IMPG2: variants seen among roughly 807,000 people sequenced by gnomAD.
The protein encoded by IMPG2 is IPM 200.
IMPG2 carries 91 observed loss-of-function variants against 129.2 expected under a neutral mutation model. The ratio of observed to expected loss-of-function variants is 0.70; its 90% confidence interval spans 0.59 to 0.84. The LOEUF is 0.84. Ranked by LOEUF, IMPG2 falls within the 40% of genes least tolerant of loss-of-function variation. IMPG2 has a pLI of 0.00. For missense variants in IMPG2, 1,430 were observed against 1,461.7 expected, an observed-to-expected ratio of 0.98 and a Z score of 0.35; for synonymous variants, 510 against 517.7, an observed-to-expected ratio of 0.99 and a Z score of 0.20.
intron 3 of IMPG2, among the ~76,000 whole-genome samples, chr3:101,299,552 A>G (rs1166998924): frequency 2.0e-5 from 3 of 152,068 alleles, no homozygotes; most frequent in Admixed American, 6.5e-5. Context: ...ATCCTTGAGG[A>G]TGCTGACCCT....
chr3:101,279,727 T>C (rs1000771451), intron 4 of IMPG2, among the ~76,000 whole-genome samples: 1 of 152,198 alleles, frequency 6.6e-6, no homozygotes, highest in Non-Finnish European at 1.5e-5. Flanking sequence ...TTTACGCTAA[T>C]TCTCTAACTA....
Position 101,256,205 on chromosome 3 carries a change from GAAAGAAAGAAAGA to G in IMPG2, c.1153+1311_1153+1323del, listed in dbSNP as rs1231111452. Among the ~76,000 whole-genome samples, 14 of 146,148 alleles carry G rather than the reference GAAAGAAAGAAAGA, an allele frequency of 9.6e-5. No homozygotes were observed. In the East Asian group the frequency reaches 2.2e-3, roughly 23 times the overall value. The stretch of plus-strand genomic sequence containing the variant: ...AGAAAGAAAGAAAGAAAGAAAGAAA[GAAAGAAAGAAAGA>G]AAAAAATATCTTATTTGGGAAATAA... On this transcript the variant is annotated intron_variant, in intron 10 of 18. Coordinates refer to ENST00000193391, the MANE Select transcript of IMPG2 (RefSeq NM_016247.4).
At chr3:101,241,633 T>C (rs535522358) in intron 14 of IMPG2, among the ~76,000 whole-genome samples, 105 of 152,164 alleles carry the variant, frequency 6.9e-4, no homozygotes, top group African/African-American at 2.4e-3. Context: ...CCAATGGAGA[T>C]AGAGAAAAGA....
intron 15 of IMPG2, among the ~76,000 whole-genome samples, chr3:101,231,403 T>C (rs1462747760): frequency 1.3e-5 from 2 of 152,220 alleles, no homozygotes; most frequent in Non-Finnish European, 2.9e-5. Flanking sequence ...AAGGAAATTA[T>C]TCTACTTAAC....
chr3:101,281,773 G>C (rs1706895466), intron 4 of IMPG2, among the ~76,000 whole-genome samples: 2 of 152,166 alleles, frequency 1.3e-5, no homozygotes, highest in South Asian at 4.1e-4. Context: ...AGAGACAGAA[G>C]AAAGTCAGAG....
rs1388030722 is a variant in IMPG2 at position 101,245,927 on chromosome 3, C to G, written c.1418G>C (p.Ser473Thr). The G allele has an allele frequency of 1.1e-4, 173 of 1,614,058 alleles. No homozygotes were observed. The highest frequency in any genetic ancestry group is 1.5e-4 in the Non-Finnish European group (172 of 1,180,036). Residue 473 changes from serine (S) to threonine (T), a missense_variant, in exon 12 of 19, where the codon AGC (serine) becomes ACC (threonine). Coordinates refer to ENST00000193391, the MANE Select transcript of IMPG2 (RefSeq NM_016247.4). ...AACCTCTAAAACCTCTGGGGAAGAG[C>G]TGAGGCCCATCTTCGAGGGAAAGGC... ...KLAFPSKMGL[S>T]SSPEVLEVSS...
At chr3:101,300,018 C>T (rs572939278) in intron 3 of IMPG2, among the ~76,000 whole-genome samples, 39 of 152,340 alleles carry the variant, frequency 2.6e-4, no homozygotes, top group African/African-American at 9.1e-4. Context: ...TAAATCTACC[C>T]GTCCGCAGAG....
intron 11 of IMPG2, among the ~76,000 whole-genome samples, chr3:101,253,160 C>T (rs1706562552): frequency 6.6e-6 from 1 of 152,080 alleles, no homozygotes; most frequent in South Asian, 2.1e-4. Context: ...TGTTTCTATG[C>T]AAGCGGGAAT....
At chr3:101,264,546 C>A (rs113353042) in intron 9 of IMPG2, among the ~76,000 whole-genome samples, 31 of 151,814 alleles carry the variant, frequency 2.0e-4, no homozygotes, top group African/African-American at 7.0e-4. Context: ...AGGAAAAGCA[C>A]CTCAATACAA....
intron 11 of IMPG2, among the ~76,000 whole-genome samples, chr3:101,246,779 A>T (rs1266755455): frequency 2.0e-5 from 3 of 152,206 alleles, no homozygotes; most frequent in Admixed American, 6.5e-5. Flanking sequence ...CATGTTAATT[A>T]TTTAATTTTA....
chr3:101,291,593 A>G, intron 3 of IMPG2, 83 bp from the exon 4 acceptor site: 1 of 932,078 alleles, frequency 1.1e-6, no homozygotes, highest in South Asian at 1.4e-5. Flanking sequence ...AGAGACCACT[A>G]CTGCCCTACC....
chr3:101,279,966 G>A (rs949175898), intron 4 of IMPG2, among the ~76,000 whole-genome samples: 2 of 152,128 alleles, frequency 1.3e-5, no homozygotes, highest in African/African-American at 2.4e-5. Context: ...TATTCCCCCT[G>A]CAGAGATCCT....
In IMPG2 at chr3:101,246,029, G is replaced by C. The variant is rs752132053; in HGVS notation, c.1316C>G (p.Ser439Cys). ...CCTGCCAGTGGCTGAGGGAGGACCA[G>C]AGCTGAAATCAAGTGGTGGAATACT... Reference protein sequence around the residue: ...TSSIPPLDFSSGPPSATGREL... With the variant: ...TSSIPPLDFSCGPPSATGREL... The change falls in exon 12 of 19, where the codon TCT becomes TGT. Residue 439 changes from serine (S) to cysteine (C), a missense_variant. By Grantham distance (112) the Ser-to-Cys change is moderately radical. Coordinates refer to ENST00000193391, the MANE Select transcript of IMPG2 (RefSeq NM_016247.4). 3.7e-5 allele frequency: 60 copies of C among 1,614,050 alleles called. No individual in the cohort carries two copies. Among genetic ancestry groups the C allele is most frequent in the Admixed American group, 1.0e-4 (6 of 60,000 alleles).
At position 101,223,083 on chromosome 3, in the gene IMPG2, G is replaced by A. The variant is rs1706182961; in HGVS notation, c.*3886C>T. 6.6e-6 allele frequency: 1 copy of A among 152,162 alleles called. No individual in the cohort carries two copies. The highest frequency in any genetic ancestry group is 2.4e-5 in the African/African-American group (1 of 41,428). The allele number at this position is 152,162 out of a possible 1,614,324, so 9.4% of individuals were successfully genotyped here. On this transcript the variant is annotated 3_prime_UTR_variant, in exon 19 of 19. Transcript: ENST00000193391. Reference sequence around the variant, plus strand: ...TAATGTAAGGTTTTACAAAATGCATGACTCAAGGAAATTTCCAGGCAATTC... The same window carrying A: ...TAATGTAAGGTTTTACAAAATGCATAACTCAAGGAAATTTCCAGGCAATTC...
At chr3:101,250,703 C>A (rs1002464391) in intron 11 of IMPG2, among the ~76,000 whole-genome samples, 5 of 152,170 alleles carry the variant, frequency 3.3e-5, no homozygotes, top group Non-Finnish European at 5.9e-5. Flanking sequence ...GAAACTAGAG[C>A]AAACAGACTT....
At chr3:101,248,780 C>T (rs987865991) in intron 11 of IMPG2, among the ~76,000 whole-genome samples, 1 of 152,186 alleles carries the variant, frequency 6.6e-6, no homozygotes. Context: ...TCATTTCCTG[C>T]CTTGTCCATG....
chr3:101,232,114 C>A (rs1214750913), intron 15 of IMPG2, among the ~76,000 whole-genome samples: 1 of 152,118 alleles, frequency 6.6e-6, no homozygotes, highest in Non-Finnish European at 1.5e-5. Context: ...TATAGAGGAA[C>A]GTGATCTTAT....
At chr3:101,229,318 C>CAGG in intron 17 of IMPG2, 62 bp downstream of exon 17, 2 of 1,136,286 alleles carry the variant, frequency 1.8e-6, no homozygotes, top group Non-Finnish European at 2.6e-6. Flanking sequence ...CCACCACCCC[C>CAGG]TGCTCCCCCA....
At chr3:101,232,312 A>G (rs1457654761) in intron 15 of IMPG2, among the ~76,000 whole-genome samples, 2 of 151,752 alleles carry the variant, frequency 1.3e-5, no homozygotes, top group Non-Finnish European at 2.9e-5. Flanking sequence ...ATCTCAGCTC[A>G]CTGCAACCTC....
Sources: allele counts gnomAD v4.1 joint callset (sites outside exome capture counted in the v4.1 genomes callset), GRCh38; gene constraint gnomAD v4.1.1; transcripts MANE v1.5; gene names NCBI Gene and HGNC (gene_info 2026-07-23, HGNC 2026-07-21).